The following GATB variants were observed in gnomAD, a reference collection of about 807,000 sequenced individuals.
GATB encodes the protein glutamyl-tRNA amidotransferase subunit B.
GATB carries 39 observed loss-of-function variants against 62.3 expected under a neutral mutation model. The ratio of observed to expected loss-of-function variants is 0.63; its 90% confidence interval spans 0.48 to 0.82. GATB has a LOEUF of 0.82. Among genes scored for constraint, GATB ranks in the 40% least tolerant of loss-of-function variants. The pLI, the probability that GATB is intolerant of heterozygous loss-of-function variation, is 0.00. For missense variants in GATB, 670 were observed against 684.0 expected (o/e 0.98, Z 0.23); for synonymous variants, 276 against 258.9 (o/e 1.07, Z -0.63).
At position 151,709,807 on chromosome 4, in the gene GATB, T is replaced by C. The variant is rs565263732; in HGVS notation, c.764-1706A>G. ...TAGTCTGGGTTCATCATTCCTGCTGTTTACTCAACAGCACAGACAGCTCCT... is the reference window on the plus strand; with the variant it reads ...TAGTCTGGGTTCATCATTCCTGCTGCTTACTCAACAGCACAGACAGCTCCT... On this transcript the variant is annotated intron_variant, in intron 5 of 12. Coordinates refer to ENST00000263985, the MANE Select transcript of GATB (RefSeq NM_004564.3). Among the ~76,000 whole-genome samples the C allele has an allele frequency of 2.6e-5, 4 of 152,236 alleles. No individual in the cohort carries two copies. In the East Asian group the frequency reaches 7.7e-4, roughly 29 times the overall value.
chr4:151,722,854 A>G (rs1226758928), intron 2 of GATB: 2 of 152,324 alleles, frequency 1.3e-5, no homozygotes, highest in East Asian at 1.9e-4. Context: ...GATGATATCA[A>G]TGGACGATTT....
intron 10 of GATB, among the ~76,000 whole-genome samples, chr4:151,681,995 G>C (rs1242018984): frequency 6.6e-6 from 1 of 152,170 alleles, no homozygotes; most frequent in Non-Finnish European, 1.5e-5. Context: ...ATTTGGGGGA[G>C]GATCCCAACA....
chr4:151,722,013 G>T, intron 2 of GATB: 2 of 574,272 alleles, frequency 3.5e-6, no homozygotes, highest in South Asian at 4.6e-5. Context: ...GTACTTCAAG[G>T]TCAGAATTAT....
intron 2 of GATB, chr4:151,720,382 A>C (rs1198020504): frequency 4.6e-5 from 7 of 152,196 alleles, no homozygotes; most frequent in Admixed American, 4.6e-4. Flanking sequence ...CCTTGTGTCT[A>C]AAAGTGGGAT....
intron 7 of GATB, among the ~76,000 whole-genome samples, chr4:151,704,152 G>A (rs956816985): frequency 6.6e-6 from 1 of 151,284 alleles, no homozygotes; most frequent in Non-Finnish European, 1.5e-5. Flanking sequence ...CGGCTTTTGA[G>A]CTTTTTTCAG....
intron 2 of GATB, among the ~76,000 whole-genome samples, chr4:151,757,167 A>G (rs979376910): frequency 6.6e-6 from 1 of 152,244 alleles, no homozygotes; most frequent in Non-Finnish European, 1.5e-5. Context: ...AAATCTTTCC[A>G]TAGATAGATC....
intron 9 of GATB, among the ~76,000 whole-genome samples, chr4:151,697,730 T>C (rs1738498444): frequency 6.7e-6 from 1 of 148,546 alleles, no homozygotes; most frequent in African/African-American, 2.5e-5. Context: ...TGCCTTGATA[T>C]ATATATTTAT....
At chr4:151,718,132 G>C (rs12649199) in intron 3 of GATB, among the ~76,000 whole-genome samples, 1 of 152,108 alleles carries the variant, frequency 6.6e-6, no homozygotes, top group Non-Finnish European at 1.5e-5. Flanking sequence ...TCAGTAGGTC[G>C]AGGGTGGGGC....
chr4:151,695,930 A>ATTTTTTTTTTTTTTTTTT (rs57028979), intron 9 of GATB, among the ~76,000 whole-genome samples: 6 of 122,850 alleles, frequency 4.9e-5, no homozygotes, highest in Non-Finnish European at 6.7e-5. Flanking sequence ...GCTAATTTAA[A>ATTTTTTTTTTTTTTTTTT]TTTTTTTTTT....
intron 9 of GATB, 33 bp from the exon 10 acceptor site, chr4:151,688,796 G>T (rs750592921): frequency 6.4e-7 from 1 of 1,559,780 alleles, no homozygotes; most frequent in African/African-American, 1.4e-5. Context: ...ATTACATAAA[G>T]CCTCCCCAAA....
At chr4:151,758,944 T>C in intron 1 of GATB, 22 bp from the exon 2 acceptor site, 1 of 1,550,254 alleles carries the variant, frequency 6.5e-7, no homozygotes, top group Non-Finnish European at 8.8e-7. Flanking sequence ...GAGATAATGG[T>C]TAAGATGTAT....
chr4:151,715,539 G>A (rs1738895853), intron 5 of GATB, among the ~76,000 whole-genome samples: 1 of 152,140 alleles, frequency 6.6e-6, no homozygotes, highest in Non-Finnish European at 1.5e-5. Flanking sequence ...TTATCTCAGG[G>A]TAAAGTTTTC....
intron 9 of GATB, among the ~76,000 whole-genome samples, chr4:151,696,204 T>C (rs1421069125): frequency 6.6e-6 from 1 of 152,212 alleles, no homozygotes; most frequent in African/African-American, 2.4e-5. Flanking sequence ...ACTTGGAAAA[T>C]AGACATGATT....
intron 8 of GATB, chr4:151,703,163 G>A (rs1213274584): frequency 1.3e-5 from 2 of 152,302 alleles, no homozygotes; most frequent in Non-Finnish European, 2.9e-5. Context: ...TTCATGCTAA[G>A]CGTTTATGAG....
chr4:151,690,837 A>T (rs1738350780), intron 9 of GATB, among the ~76,000 whole-genome samples: 1 of 152,152 alleles, frequency 6.6e-6, no homozygotes, highest in South Asian at 2.1e-4. Flanking sequence ...CCACAATTTA[A>T]AGCAGACAGG....
chr4:151,721,985 T>C, intron 2 of GATB: 2 of 564,596 alleles, frequency 3.5e-6, no homozygotes, highest in South Asian at 4.8e-5. Flanking sequence ...CTTTTTTTGA[T>C]GATTTAGAAG....
chr4:151,752,368 C>T (rs1190655945), intron 2 of GATB, among the ~76,000 whole-genome samples: 1 of 152,120 alleles, frequency 6.6e-6, no homozygotes, highest in Non-Finnish European at 1.5e-5. Flanking sequence ...AATTAATCCA[C>T]GTGTTTTGTT....
intron 2 of GATB, among the ~76,000 whole-genome samples, chr4:151,740,194 T>C (rs979121596): frequency 6.6e-6 from 1 of 152,234 alleles, no homozygotes; most frequent in African/African-American, 2.4e-5. Context: ...ATTGACCCAC[T>C]AAAACTACAC....
rs1342207099 is a variant in GATB at position 151,697,951 on chromosome 4, GTGTATATATA to G, written c.1197+3368_1197+3377del. ...ATTTCATATATATGTGTGTGTGTGT[GTGTATATATA>G]TATATATATATATATATATATATAT... On this transcript the variant is annotated intron_variant, in intron 9 of 12. Coordinates refer to ENST00000263985, the MANE Select transcript of GATB (RefSeq NM_004564.3). Among the ~76,000 whole-genome samples the G allele has an allele frequency of 8.0e-4, 23 of 28,590 alleles. 2 individuals carry two copies. The East Asian group carries it at 0.013, about 16-fold the overall frequency. 18.8% of individuals were successfully genotyped at this position (28,590 alleles called of 152,430 possible). A position where few individuals can be genotyped will look rare whatever the true frequency, so the allele number is the denominator to read the frequency against.
Sources: gnomAD v4.1 joint callset for allele counts (sites outside exome capture counted in the v4.1 genomes callset) on GRCh38, gnomAD v4.1.1 for gene constraint, MANE v1.5 for transcripts, NCBI Gene and HGNC (gene_info 2026-07-23, HGNC 2026-07-21) for gene names.